The following KLK14 variants were observed in gnomAD, a reference collection of about 807,000 sequenced individuals.
KLK14 encodes the protein kallikrein related peptidase 14.
KLK14 carries 21 observed loss-of-function variants against 24.6 expected under a neutral mutation model. The ratio of observed to expected loss-of-function variants is 0.85; its 90% confidence interval spans 0.61 to 1.23. KLK14 has a LOEUF of 1.23. Among genes scored for constraint, KLK14 ranks in the 50% most tolerant of loss-of-function variants. The pLI, the probability that KLK14 is intolerant of heterozygous loss-of-function variation, is 0.00. For synonymous variants in KLK14, 133 were observed against 139.7 expected, an observed-to-expected ratio of 0.95 and a Z score of 0.34; for missense variants, 320 against 338.9, an observed-to-expected ratio of 0.94 and a Z score of 0.44.
At chr19:51,081,169 G>A (rs554114291) in intron 3 of KLK14, among the ~76,000 whole-genome samples, 18 of 152,344 alleles carry the variant, frequency 1.2e-4, no homozygotes, top group Admixed American at 7.2e-4. Flanking sequence ...TGAGTTCTAC[G>A]TAGTGTCCTG....
Position 51,079,511 on chromosome 19 carries a change from G to A in KLK14, c.404C>T (p.Ala135Val). Reference sequence around the variant, plus strand: ...GCAGGAGGTCCCGGGGCTGGCACAGGCCTGGGTGACCTCAATGGGCCTGAC... The same window carrying A: ...GCAGGAGGTCCCGGGGCTGGCACAGACCTGGGTGACCTCAATGGGCCTGAC... ...RAVRPIEVTQACASPGTSCRV... is the reference protein window; with the variant it reads ...RAVRPIEVTQVCASPGTSCRV... The change falls in exon 4 of 6, where the codon GCC becomes GTC. Residue 135 changes from alanine (A) to valine (V), a missense_variant. By Grantham distance (64) the Ala-to-Val change is moderately conservative. Transcript: ENST00000650543. The A allele has an allele frequency of 6.2e-7, 1 of 1,613,848 alleles. No individual in the cohort carries two copies. The highest frequency in any genetic ancestry group is 8.5e-7 in the Non-Finnish European group (1 of 1,180,024).
chr19:51,079,733 C>T (rs1205224545), intron 3 of KLK14, 31 bp from the exon 4 acceptor site: 11 of 1,536,626 alleles, frequency 7.2e-6, no homozygotes, highest in African/African-American at 4.1e-5. Context: ...AAGCGCTGCT[C>T]AGGGTCTGAG....
intron 4 of KLK14, 102 bp downstream of exon 4, chr19:51,079,347 T>C: frequency 8.2e-7 from 1 of 1,219,800 alleles, no homozygotes; most frequent in Non-Finnish European, 1.1e-6. Context: ...GCCCAGCCCC[T>C]CCTCCCTCAG....
Position 51,078,327 on chromosome 19 carries a change from C to A in KLK14, c.604-168G>T, listed in dbSNP as rs938919684. 1.3e-5 allele frequency among the ~76,000 whole-genome samples: 2 copies of A among 152,138 alleles called. No individual in the cohort carries two copies. The highest frequency in any genetic ancestry group is 2.9e-5 in the Non-Finnish European group (2 of 68,008). ...GGTCTCAGCCCCGGAGGTCGGGGCA[C>A]TTCCTTCCCTCTCCGCTGGGTCTGG... On this transcript the variant is annotated intron_variant, in intron 5 of 5. Transcript: ENST00000650543. This position sits in a 1 kb window ranked among gnomAD's most constrained non-coding sequence, Gnocchi z 5.0.
Position 51,081,612 on chromosome 19 carries a change from C to T in KLK14, c.132G>A (p.Ala44=), listed in dbSNP as rs566147664. The change falls in exon 3 of 6, where the codon GCG becomes GCA. Residue 44 remains alanine (A), a synonymous_variant. Coordinates refer to ENST00000650543, the MANE Select transcript of KLK14 (RefSeq NM_001369775.2). The stretch of plus-strand genomic sequence containing the variant: ...CGCAGAGGAAGCGGCGCCTGGGACC[C>T]GCCAGCAGGGCCGCCTGCCACGGCT... ...SSQPWQAALL[A]GPRRRFLCGG... is the part of the protein sequence containing the mutation. The T allele has an allele frequency of 1.9e-5, 29 of 1,551,332 alleles. No individual in the cohort carries two copies. In the South Asian group the frequency reaches 2.3e-4, roughly 12 times the overall value.
intron 3 of KLK14, among the ~76,000 whole-genome samples, chr19:51,079,998 G>A (rs996716625): frequency 9.2e-5 from 14 of 152,272 alleles, no homozygotes; most frequent in African/African-American, 2.4e-4. Flanking sequence ...TGCTGGGCTC[G>A]GTGCATTGAG....
At chr19:51,079,998 G>C (rs996716625) in intron 3 of KLK14, among the ~76,000 whole-genome samples, 1 of 152,154 alleles carries the variant, frequency 6.6e-6, no homozygotes, top group African/African-American at 2.4e-5. Context: ...TGCTGGGCTC[G>C]GTGCATTGAG....
At position 51,078,410 on chromosome 19, in the gene KLK14, G is replaced by C. The variant is rs1001680580; in HGVS notation, c.604-251C>G. Among the ~76,000 whole-genome samples, 1 of 152,096 alleles carries C rather than the reference G, an allele frequency of 6.6e-6. No homozygotes were observed. The highest frequency in any genetic ancestry group is 1.5e-5 in the Non-Finnish European group (1 of 67,996). On this transcript the variant is annotated intron_variant, in intron 5 of 5. Coordinates refer to ENST00000650543, the MANE Select transcript of KLK14 (RefSeq NM_001369775.2). This position sits in a 1 kb window ranked among gnomAD's most constrained non-coding sequence, Gnocchi z 5.0. ...AATCTCACCAGGCCCCTCTCTGTTCGCTCCAACTGTAGAACATTTGTGTGT... is the reference window on the plus strand; with the variant it reads ...AATCTCACCAGGCCCCTCTCTGTTCCCTCCAACTGTAGAACATTTGTGTGT...
chr19:51,077,867 T>C, downstream of KLK14: 1 of 715,088 alleles, frequency 1.4e-6, no homozygotes, highest in Non-Finnish European at 2.0e-6. Flanking sequence ...GGGCCTGGAC[T>C]CCCGGGTCTG....
intron 2 of KLK14, among the ~76,000 whole-genome samples, chr19:51,082,109 C>T (rs915300599): frequency 4.6e-5 from 7 of 151,896 alleles, no homozygotes; most frequent in Admixed American, 4.6e-4. Flanking sequence ...CTCAGTGGGA[C>T]CCCAAGGATC....
At chr19:51,079,820 C>T in intron 3 of KLK14, 118 bp from the exon 4 acceptor site, 2 of 1,413,852 alleles carry the variant, frequency 1.4e-6, no homozygotes, top group East Asian at 5.0e-5. Flanking sequence ...GCCTGCTTCT[C>T]ACTAACTGCA....
intron 3 of KLK14, among the ~76,000 whole-genome samples, chr19:51,080,967 C>T (rs1320679940): frequency 6.6e-6 from 1 of 152,256 alleles, no homozygotes; most frequent in African/African-American, 2.4e-5. Flanking sequence ...GCCACCGCAC[C>T]CGCCACATTC....
chr19:51,078,111 C>T lies in KLK14; in HGVS notation c.652G>A (p.Val218Met), dbSNP rs201317571. The T allele has an allele frequency of 6.6e-5, 106 of 1,613,804 alleles. No individual in the cohort carries two copies. Among genetic ancestry groups the T allele is most frequent in the Middle Eastern group, 1.6e-4 (1 of 6,080 alleles). Residue 218 changes from valine to methionine, a missense_variant, in exon 6 of 6, where the codon GTG (valine) becomes ATG (methionine). Transcript: ENST00000650543. This position sits in a 1 kb window ranked among gnomAD's most constrained non-coding sequence, Gnocchi z 5.0. The part of the protein sequence containing the change: ...LVCRGQLQGL[V>M]SWGMERCALP... The stretch of plus-strand genomic sequence containing the variant: ...GCGCAGCGCTCCATTCCCCAAGACA[C>T]GAGGCCCTGGAGCTGTCCTCTGCAC...
At chr19:51,082,547 C>T (rs1445502064) in intron 2 of KLK14, 28 bp downstream of exon 2, 1 of 1,611,692 alleles carries the variant, frequency 6.2e-7, no homozygotes, top group East Asian at 2.2e-5. Flanking sequence ...AGGGGACCCC[C>T]TTGTGTCATA....
At position 51,079,252 on chromosome 19, in the gene KLK14, C is replaced by T. The variant is rs553180007; in HGVS notation, c.466+197G>A. ...AGGCTCCAGCCCCTCCTCCCTCAGACGTATGAGTCCAGGCCCAGCTCCTCC... is the reference window on the plus strand; with the variant it reads ...AGGCTCCAGCCCCTCCTCCCTCAGATGTATGAGTCCAGGCCCAGCTCCTCC... On this transcript the variant is annotated intron_variant, in intron 4 of 5. Transcript: ENST00000650543. 3.8e-4 allele frequency among the ~76,000 whole-genome samples: 57 copies of T among 150,608 alleles called. 2 individuals carry two copies. Among genetic ancestry groups the T allele is most frequent in the Admixed American group, 1.7e-3 (25 of 15,146 alleles).
rs377295815 is a variant in KLK14, at chr19:51,078,093, G to T, written c.670C>A (p.Arg224Ser). The T allele has an allele frequency of 6.2e-7, 1 of 1,613,006 alleles. No individual in the cohort carries two copies. The highest frequency in any genetic ancestry group is 8.5e-7 in the Non-Finnish European group (1 of 1,179,608). ...CCGGGGTAGCCAGGCAGGGCGCAGCGCTCCATTCCCCAAGACACGAGGCCC... is the reference window on the plus strand; with the variant it reads ...CCGGGGTAGCCAGGCAGGGCGCAGCTCTCCATTCCCCAAGACACGAGGCCC... ...LQGLVSWGME[R>S]CALPGYPGVY... Residue 224 changes from arginine to serine, a missense_variant, in exon 6 of 6, where the codon CGC becomes AGC. Transcript: ENST00000650543. This position sits in a 1 kb window ranked among gnomAD's most constrained non-coding sequence, Gnocchi z 5.0.
chr19:51,082,974 T>C, upstream of KLK14: 1 of 597,520 alleles, frequency 1.7e-6, no homozygotes, highest in Non-Finnish European at 2.9e-6. Flanking sequence ...TCTGACATTT[T>C]TTTTTTTTTA....
rs1363504045 is a variant in KLK14 at position 51,078,982 on chromosome 19, C to T, written c.467-31G>A. On this transcript the variant is annotated intron_variant, in intron 4 of 5. Transcript: ENST00000650543. This position sits in a 1 kb window ranked among gnomAD's most constrained non-coding sequence, Gnocchi z 5.0. ...GGACACTGCAGGGTTATAACTGGGTCTACCCTCCCATAAGACCCAAGGGTC... is the reference window on the plus strand; with the variant it reads ...GGACACTGCAGGGTTATAACTGGGTTTACCCTCCCATAAGACCCAAGGGTC... 2 of 1,609,478 alleles carry T rather than the reference C, an allele frequency of 1.2e-6. No homozygotes were observed. The highest frequency in any genetic ancestry group is 1.3e-5 in the African/African-American group (1 of 74,764).
chr19:51,077,600 T>TGG (rs200104086), downstream of KLK14: 18 of 147,688 alleles, frequency 1.2e-4, no homozygotes, highest in Middle Eastern at 3.0e-3. Flanking sequence ...GAGGAGGGGC[T>TGG]GGGCCTGGAC....
Sources: gnomAD v4.1 joint callset for allele counts (sites outside exome capture counted in the v4.1 genomes callset) on GRCh38, gnomAD v4.1.1 for gene constraint, Gnocchi (gnomAD v3.1) non-coding constraint, MANE v1.5 for transcripts, NCBI Gene and HGNC (gene_info 2026-07-23, HGNC 2026-07-21) for gene names.